Variants in GLMN observed in about 807,000 individuals in gnomAD.
The protein encoded by GLMN is glomulin, FKBP associated protein.
A neutral mutation model predicts 87.8 loss-of-function variants in GLMN; 75 were observed. That is an observed-to-expected ratio of 0.85 (90% confidence interval 0.71 to 1.04). The LOEUF is 1.04. Ranked by LOEUF, GLMN falls within the 50% of genes least tolerant of loss-of-function variation. The probability of loss-of-function intolerance (pLI) is 0.00; values close to 1 mark genes in which losing one functional copy is unlikely to be tolerated. For missense variants in GLMN, 588 were observed against 658.8 expected (o/e 0.89, Z 1.18); for synonymous variants, 206 against 221.6 (o/e 0.93, Z 0.63).
chr1:92,344,360 A>C, the GLMN span, among the ~76,000 whole-genome samples: 1 of 152,114 alleles, frequency 6.6e-6, no homozygotes, highest in Non-Finnish European at 1.5e-5. Flanking sequence ...AGCTGAGAGC[A>C]TGCCACTGCA....
At chr1:92,357,693 A>T in the GLMN span, among the ~76,000 whole-genome samples, 1 of 152,104 alleles carries the variant, frequency 6.6e-6, no homozygotes, top group African/African-American at 2.4e-5. Context: ...CACCACACCC[A>T]GCTAATTTTT....
At chr1:92,305,450 A>AAAAAAAAAACAAAAAAAAAAAAC in the GLMN span, among the ~76,000 whole-genome samples, 1 of 141,852 alleles carries the variant, frequency 7.0e-6, no homozygotes, top group African/African-American at 3.0e-5. Flanking sequence ...AAAAAAAAAA[A>AAAAAAAAAACAAAAAAAAAAAAC]AGACAATATG....
chr1:92,340,818 CGTA>C, the GLMN span, among the ~76,000 whole-genome samples: 1 of 151,994 alleles, frequency 6.6e-6, no homozygotes, highest in Non-Finnish European at 1.5e-5. Flanking sequence ...GTTTACCTGT[CGTA>C]GTGTAAAGCA....
chr1:92,297,083 T>TA (rs1421246747), intron 3 of GLMN, among the ~76,000 whole-genome samples: 1 of 151,682 alleles, frequency 6.6e-6, no homozygotes, highest in Non-Finnish European at 1.5e-5. Flanking sequence ...GACCAGATGG[T>TA]AAAAACCTTC....
chr1:92,312,427 A>C, the GLMN span, among the ~76,000 whole-genome samples: 1 of 152,126 alleles, frequency 6.6e-6, no homozygotes, highest in Non-Finnish European at 1.5e-5. Flanking sequence ...TCAAAAAAAA[A>C]AAAAAATTGA....
At chr1:92,370,604 A>G in the GLMN span, among the ~76,000 whole-genome samples, 3 of 151,996 alleles carry the variant, frequency 2.0e-5, no homozygotes. Context: ...TAGAATCTCC[A>G]TCCTTCAAAA....
At chr1:92,345,924 C>T in the GLMN span, 2 of 1,572,976 alleles carry the variant, frequency 1.3e-6, no homozygotes, top group Non-Finnish European at 1.7e-6. Flanking sequence ...TGTAAGTACT[C>T]TCTCAGATTT....
Position 92,294,611 on chromosome 1 carries a change from G to A in GLMN, c.165+2793C>T, listed in dbSNP as rs182581212. Among the ~76,000 whole-genome samples, 490 of 152,038 alleles carry A rather than the reference G, an allele frequency of 3.2e-3. 1 individual carries two copies. The highest frequency in any genetic ancestry group is 0.011 in the African/African-American group (475 of 41,466). On this transcript the variant is annotated intron_variant, in intron 3 of 18. Transcript: ENST00000370360. Reference sequence around the variant, plus strand: ...TTTTCTTTAATTCAGTCTTATAGGTGAAGATAATAGTAAATCTTGGTCAAT... The same window carrying A: ...TTTTCTTTAATTCAGTCTTATAGGTAAAGATAATAGTAAATCTTGGTCAAT...
chr1:92,258,620 G>A (rs937816179), intron 16 of GLMN, among the ~76,000 whole-genome samples: 1 of 152,100 alleles, frequency 6.6e-6, no homozygotes, highest in Non-Finnish European at 1.5e-5. Context: ...GGATGAAGCT[G>A]GAAACCATCA....
At chr1:92,309,440 C>CAA in the GLMN span, among the ~76,000 whole-genome samples, 69,363 of 145,600 alleles carry the variant, frequency 0.48, 17,631 homozygotes, top group East Asian at 0.96. Context: ...GACTCCATCT[C>CAA]AAAAAAAAAA....
At chr1:92,278,604 C>G (rs1005596437) in intron 7 of GLMN, among the ~76,000 whole-genome samples, 1 of 152,164 alleles carries the variant, frequency 6.6e-6, no homozygotes, top group South Asian at 2.1e-4. Context: ...TATTTTTCAT[C>G]TATACCCATT....
At chr1:92,299,978 A>T (rs1380697890), upstream of GLMN, among the ~76,000 whole-genome samples, 2 of 152,196 alleles carry the variant, frequency 1.3e-5, no homozygotes, top group African/African-American at 4.8e-5. Context: ...GGTACAGCCT[A>T]CTTACACACT....
At chr1:92,251,157 G>A (rs1286012892) in intron 16 of GLMN, among the ~76,000 whole-genome samples, 3 of 152,096 alleles carry the variant, frequency 2.0e-5, no homozygotes, top group Admixed American at 1.3e-4. Context: ...TTTTGAAAAA[G>A]AAGAACAAAG....
chr1:92,358,827 A>G, the GLMN span, among the ~76,000 whole-genome samples: 8 of 152,116 alleles, frequency 5.3e-5, no homozygotes, highest in Non-Finnish European at 1.0e-4. Flanking sequence ...AACTTAAGTG[A>G]TCCCCAACCT....
At chr1:92,273,738 G>A (rs1160081841) in intron 7 of GLMN, among the ~76,000 whole-genome samples, 1 of 151,960 alleles carries the variant, frequency 6.6e-6, no homozygotes, top group African/African-American at 2.4e-5. Context: ...CTACAAGCGG[G>A]AGCTACCGTG....
chr1:92,301,759 C>A (rs1650873924), upstream of GLMN, among the ~76,000 whole-genome samples: 1 of 152,150 alleles, frequency 6.6e-6, no homozygotes, highest in African/African-American at 2.4e-5. Context: ...ATCATGCATT[C>A]CTTGTATAAT....
At chr1:92,256,711 A>G (rs1232610621) in intron 16 of GLMN, among the ~76,000 whole-genome samples, 5 of 152,224 alleles carry the variant, frequency 3.3e-5, no homozygotes, top group African/African-American at 1.2e-4. Context: ...ACAGCCCTTC[A>G]TGCTAAAAAC....
the GLMN span, among the ~76,000 whole-genome samples, chr1:92,348,347 T>G: frequency 2.0e-5 from 3 of 152,266 alleles, no homozygotes; most frequent in East Asian, 5.8e-4. Flanking sequence ...TCTTCCCCAG[T>G]TAGGGGAAAC....
intron 3 of GLMN, among the ~76,000 whole-genome samples, chr1:92,294,521 TAATA>T (rs1649802457): frequency 6.6e-6 from 1 of 152,216 alleles, no homozygotes; most frequent in African/African-American, 2.4e-5. Context: ...TAATATACTG[TAATA>T]AATAGTATGT....
Sources: gnomAD v4.1 joint callset for allele counts (sites outside exome capture counted in the v4.1 genomes callset) on GRCh38, gnomAD v4.1.1 for gene constraint, MANE v1.5 for transcripts, NCBI Gene and HGNC (gene_info 2026-07-23, HGNC 2026-07-21) for gene names.